The following SATB2 variants were observed in gnomAD, a reference collection of about 807,000 sequenced individuals.
SATB2 encodes the protein DNA-binding protein SATB2.
A neutral mutation model predicts 73.4 loss-of-function variants in SATB2; 1 was observed. The ratio of observed to expected loss-of-function variants is 0.01; its 90% CI spans 0.00 to 0.06. SATB2 has a LOEUF of 0.06. Ranked by LOEUF, SATB2 falls within the 10% of genes least tolerant of loss-of-function variation. The pLI is 1.00. For missense variants in SATB2, 459 were observed against 945.8 expected (o/e 0.49, Z 6.75); for synonymous variants, 397 against 367.0 (o/e 1.08, Z -0.93).
intron 5 of SATB2, among the ~76,000 whole-genome samples, chr2:199,371,339 G>A: frequency 6.6e-6 from 1 of 151,912 alleles, no homozygotes; most frequent in Non-Finnish European, 1.5e-5. Flanking sequence ...TAAATATCTA[G>A]AACATCAACA....
rs755361249 is a variant in SATB2, at chr2:199,328,925, G to A, written c.1174-15C>T. 1 of 1,591,824 alleles carries A rather than the reference G, an allele frequency of 6.3e-7. No individual in the cohort carries two copies. The highest frequency in any genetic ancestry group is 1.7e-5 in the Admixed American group (1 of 59,880). On this transcript the variant is annotated splice_polypyrimidine_tract_variant and intron_variant, in intron 7 of 10. Coordinates refer to ENST00000417098, the MANE Select transcript of SATB2 (RefSeq NM_001172509.2). ...GACAACAATCCCTGATTAAATGGGG[G>A]AAAAAAACAGACCAAGTCACATTTG... is the stretch of plus-strand genomic sequence containing the variant.
intron 9 of SATB2, among the ~76,000 whole-genome samples, chr2:199,313,321 T>A (rs1166775801): frequency 1.3e-5 from 2 of 152,196 alleles, no homozygotes; most frequent in African/African-American, 4.8e-5. Flanking sequence ...AAAATATACA[T>A]GGAGCCTAAG....
At chr2:199,349,903 AAAGT>A (rs1033812656) in intron 6 of SATB2, among the ~76,000 whole-genome samples, 3 of 152,182 alleles carry the variant, frequency 2.0e-5, no homozygotes, top group East Asian at 1.9e-4. Context: ...TTGAAAGGGA[AAAGT>A]AAGTATCATA....
At chr2:199,465,305 C>T (rs1262955144), upstream of SATB2, 6 of 152,294 alleles carry the variant, frequency 3.9e-5, 1 homozygote, top group East Asian at 7.7e-4. Flanking sequence ...TGTTGACAAC[C>T]ATTCAAGTCT....
intron 1 of SATB2, among the ~76,000 whole-genome samples, chr2:199,456,639 A>C (rs1481698173): frequency 5.3e-5 from 8 of 152,294 alleles, no homozygotes; most frequent in East Asian, 3.9e-4. Flanking sequence ...GCAAGTCCTG[A>C]GATAAGCACA....
chr2:199,332,828 T>C (rs530193207), intron 7 of SATB2, among the ~76,000 whole-genome samples: 3 of 152,242 alleles, frequency 2.0e-5, no homozygotes, highest in African/African-American at 7.2e-5. Flanking sequence ...TAAAATCTAC[T>C]TCCAAGTTTT....
In SATB2 at chr2:199,464,618, G is replaced by T. The variant is rs1297980045; in HGVS notation, c.-141+218C>A. 6.6e-6 allele frequency among the ~76,000 whole-genome samples: 1 copy of T among 152,180 alleles called. No homozygotes were observed. The highest frequency in any genetic ancestry group is 1.5e-5 in the Non-Finnish European group (1 of 68,028). ...GGCGCGAACACCAGCGCTCCGGCCG[G>T]GTCGCAGGGGCCGGTGCCCAGCGGG... is the stretch of plus-strand genomic sequence containing the variant. On this transcript the variant is annotated intron_variant, in intron 1 of 11. Coordinates refer to the SATB2 transcript ENST00000260926. This position sits in a 1 kb window ranked among gnomAD's most constrained non-coding sequence, Gnocchi z 6.6.
chr2:199,321,544 G>GTA (rs139076827), intron 9 of SATB2, among the ~76,000 whole-genome samples: 7,878 of 150,486 alleles, frequency 0.052, 696 homozygotes, highest in African/African-American at 0.18. Context: ...ACATATATGT[G>GTA]TATATATATA....
At chr2:199,433,691 A>G (rs1389998758) in intron 2 of SATB2, among the ~76,000 whole-genome samples, 177 bp from the exon 3 acceptor site, 1 of 152,112 alleles carries the variant, frequency 6.6e-6, no homozygotes, top group Non-Finnish European at 1.5e-5. Context: ...TTCCCCCTCT[A>G]TTATTACAGA....
chr2:199,456,112 G>T lies in SATB2; in HGVS notation c.-59-16C>A. The T allele has an allele frequency of 9.1e-7, 1 of 1,099,998 alleles. No homozygotes were observed. The highest frequency in any genetic ancestry group is 1.3e-6 in the Non-Finnish European group (1 of 755,566). The allele number at this position is 1,099,998 out of a possible 1,614,324, so 68.1% of individuals were successfully genotyped here. On this transcript the variant is annotated splice_polypyrimidine_tract_variant and intron_variant, in intron 1 of 10. Transcript: ENST00000417098. The stretch of plus-strand genomic sequence containing the variant: ...GCACAGGGACCTAGGGAGGGGGTGG[G>T]GGGAGGAAGGGGGAGGGAGAAAAAA...
chr2:199,284,879 A>G (rs542727182), intron 10 of SATB2, among the ~76,000 whole-genome samples: 2 of 152,112 alleles, frequency 1.3e-5, no homozygotes, highest in African/African-American at 2.4e-5. Flanking sequence ...CTATTTACAT[A>G]GCATTTACAC....
At chr2:199,322,382 C>T (rs1687915548) in intron 9 of SATB2, among the ~76,000 whole-genome samples, 1 of 152,164 alleles carries the variant, frequency 6.6e-6, no homozygotes, top group Non-Finnish European at 1.5e-5. Context: ...CAGCTTTATT[C>T]GTTTAACAGC....
intron 8 of SATB2, among the ~76,000 whole-genome samples, chr2:199,324,869 C>T (rs1424956335): frequency 2.6e-5 from 4 of 152,186 alleles, no homozygotes; most frequent in Admixed American, 1.3e-4. Flanking sequence ...TCCTTGTGCA[C>T]TACCAGCCGA....
At chr2:199,426,724 AAAAG>A (rs1263500124) in intron 3 of SATB2, among the ~76,000 whole-genome samples, 410 of 151,614 alleles carry the variant, frequency 2.7e-3, no homozygotes, top group Non-Finnish European at 4.5e-3. Flanking sequence ...AAAGAAAAGA[AAAAG>A]AAAGAAAGAA....
intron 3 of SATB2, among the ~76,000 whole-genome samples, chr2:199,384,388 G>A (rs536073118): frequency 1.1e-3 from 161 of 152,314 alleles, no homozygotes; most frequent in South Asian, 4.6e-3. Context: ...ACCAGGGTCT[G>A]CAGGTACAAG....
At chr2:199,298,963 C>T (rs1267319280) in intron 10 of SATB2, among the ~76,000 whole-genome samples, 2 of 152,100 alleles carry the variant, frequency 1.3e-5, no homozygotes, top group Non-Finnish European at 2.9e-5. Context: ...CATAAGAGCT[C>T]ATTATTAAGA....
In SATB2 at chr2:199,464,022, A is replaced by C. The variant is rs1401672851; in HGVS notation, c.-141+814T>G. Among the ~76,000 whole-genome samples, 1 of 152,096 alleles carries C rather than the reference A, an allele frequency of 6.6e-6. No individual in the cohort carries two copies. Among genetic ancestry groups the C allele is most frequent in the Non-Finnish European group, 1.5e-5 (1 of 67,992 alleles). On this transcript the variant is annotated intron_variant, in intron 1 of 11. Coordinates refer to the SATB2 transcript ENST00000260926. This position sits in a 1 kb window ranked among gnomAD's most constrained non-coding sequence, Gnocchi z 6.6. ...CGCTGCGGGACCCACGGTCCCAGACACCTACTGGAGCCAGGGACGAGGGGG... is the reference window on the plus strand; with the variant it reads ...CGCTGCGGGACCCACGGTCCCAGACCCCTACTGGAGCCAGGGACGAGGGGG...
intron 7 of SATB2, chr2:199,346,858 C>CTTTTTTTTTTTTTTTTTTTTTTTTTTTT (rs540374842): frequency 1.1e-5 from 1 of 88,442 alleles, no homozygotes; most frequent in Non-Finnish European, 2.2e-5. Flanking sequence ...TTTCACTTAA[C>CTTTTTTTTTTTTTTTTTTTTTTTTTTTT]TTTTTTTTTT....
chr2:199,361,320 ATACCCCTACT>A (rs1442941568), intron 6 of SATB2, among the ~76,000 whole-genome samples: 1 of 151,636 alleles, frequency 6.6e-6, no homozygotes, highest in Non-Finnish European at 1.5e-5. Flanking sequence ...TCTCATTCTC[ATACCCCTACT>A]TACTCTCACC....
Sources: allele counts gnomAD v4.1 joint callset (sites outside exome capture counted in the v4.1 genomes callset), GRCh38; gene constraint gnomAD v4.1.1; non-coding constraint Gnocchi (gnomAD v3.1); transcripts MANE v1.5; gene names NCBI Gene and HGNC (gene_info 2026-07-23, HGNC 2026-07-21).